Variants in TTC28 observed in about 807,000 individuals in gnomAD.
TTC28 encodes tetratricopeptide repeat protein 28.
Under a neutral mutation model 198.0 loss-of-function variants are expected in TTC28, and 61 were observed. The observed-to-expected ratio is 0.31, with a 90% confidence interval of 0.25 to 0.38. The LOEUF is 0.38. Among genes scored for constraint, TTC28 ranks in the 10% least tolerant of loss-of-function variants. The probability of loss-of-function intolerance (pLI) is 1.00; values close to 1 mark genes in which losing one functional copy is unlikely to be tolerated. For synonymous variants in TTC28, 1,171 were observed against 1,297.8 expected, an observed-to-expected ratio of 0.90 and a Z score of 2.10; for missense variants, 2,678 against 3,164.0, an observed-to-expected ratio of 0.85 and a Z score of 3.69.
intron 2 of TTC28, among the ~76,000 whole-genome samples, chr22:28,397,442 T>C (rs1037167007): frequency 6.6e-6 from 1 of 152,228 alleles, no homozygotes; most frequent in Non-Finnish European, 1.5e-5. Context: ...AATGAGACTG[T>C]ATTTAATGAA....
intron 2 of TTC28, among the ~76,000 whole-genome samples, chr22:28,404,112 T>C (rs536563435): frequency 1.3e-5 from 2 of 152,228 alleles, no homozygotes; most frequent in East Asian, 3.9e-4. Context: ...GAATATATGT[T>C]TTTTGTTTGT....
At chr22:28,016,330 G>A (rs982629669) in intron 13 of TTC28, among the ~76,000 whole-genome samples, 9 of 152,218 alleles carry the variant, frequency 5.9e-5, no homozygotes, top group African/African-American at 1.9e-4. Context: ...CTCCCCTCAA[G>A]GAGAGATTAC....
chr22:28,305,289 CCAGT>C (rs1328711096), intron 3 of TTC28, among the ~76,000 whole-genome samples: 1 of 152,132 alleles, frequency 6.6e-6, no homozygotes, highest in African/African-American at 2.4e-5. Context: ...ACACACCTGG[CCAGT>C]CAGAGTTTAT....
chr22:28,561,485 T>C (rs1445268500), intron 2 of TTC28, among the ~76,000 whole-genome samples: 1 of 152,188 alleles, frequency 6.6e-6, no homozygotes, highest in East Asian at 1.9e-4. Flanking sequence ...AGAAGGAAAA[T>C]TGCAGAAGGC....
intron 12 of TTC28, among the ~76,000 whole-genome samples, chr22:28,090,455 G>C (rs143963932): frequency 1.3e-4 from 20 of 152,128 alleles, no homozygotes; most frequent in African/African-American, 4.8e-4. Flanking sequence ...TAATTTGTTT[G>C]TAATTCAATT....
intron 2 of TTC28, among the ~76,000 whole-genome samples, chr22:28,422,747 A>AT (rs1489259467): frequency 1.3e-5 from 2 of 152,094 alleles, no homozygotes; most frequent in African/African-American, 4.8e-5. Flanking sequence ...ACCCAGCCAA[A>AT]TAAGTTAATT....
intron 5 of TTC28, among the ~76,000 whole-genome samples, chr22:28,205,997 A>T (rs576335237): frequency 6.6e-6 from 1 of 151,830 alleles, no homozygotes; most frequent in East Asian, 1.9e-4. Flanking sequence ...GGGTGTCAAA[A>T]AAAAAAAAAA....
At chr22:28,263,446 CA>C (rs961495013) in intron 5 of TTC28, among the ~76,000 whole-genome samples, 1 of 151,480 alleles carries the variant, frequency 6.6e-6, no homozygotes, top group African/African-American at 2.4e-5. Flanking sequence ...GAATAGCAGG[CA>C]AAAAAAATTC....
chr22:28,226,448 C>A (rs1928345845), intron 5 of TTC28, among the ~76,000 whole-genome samples: 1 of 152,104 alleles, frequency 6.6e-6, no homozygotes, highest in South Asian at 2.1e-4. Flanking sequence ...TTTTATGAGA[C>A]AGAGTCTCAC....
chr22:28,517,612 A>G (rs1161395467), intron 2 of TTC28, among the ~76,000 whole-genome samples: 1 of 152,246 alleles, frequency 6.6e-6, no homozygotes, highest in Non-Finnish European at 1.5e-5. Flanking sequence ...GCCAATGGCA[A>G]GGCTATTTTC....
intron 2 of TTC28, among the ~76,000 whole-genome samples, chr22:28,389,944 AT>A (rs1435055867): frequency 6.6e-6 from 1 of 151,426 alleles, no homozygotes; most frequent in African/African-American, 2.4e-5. Flanking sequence ...TAGGGTGTCA[AT>A]TTTAGATCTT....
intron 12 of TTC28, among the ~76,000 whole-genome samples, chr22:28,039,797 G>C (rs1488701672): frequency 6.6e-6 from 1 of 152,040 alleles, no homozygotes; most frequent in Non-Finnish European, 1.5e-5. Context: ...AATGAATCCA[G>C]GAGCCTTTTT....
At chr22:28,639,844 T>C (rs1381440545) in intron 1 of TTC28, among the ~76,000 whole-genome samples, 3 of 152,006 alleles carry the variant, frequency 2.0e-5, no homozygotes, top group African/African-American at 7.2e-5. Flanking sequence ...GCAAACAAAA[T>C]AGATGATAAG....
chr22:28,439,904 C>T (rs957453224), intron 2 of TTC28, among the ~76,000 whole-genome samples: 1 of 151,960 alleles, frequency 6.6e-6, no homozygotes, highest in Non-Finnish European at 1.5e-5. Flanking sequence ...GGCGTGATCT[C>T]GGCTCACCGC....
chr22:28,625,933 T>G (rs1018571062), intron 2 of TTC28, among the ~76,000 whole-genome samples: 11 of 152,160 alleles, frequency 7.2e-5, no homozygotes, highest in African/African-American at 2.7e-4. Context: ...GATAATTCAA[T>G]GTGGAAAGGA....
At chr22:28,081,194 T>C (rs1941344778) in intron 12 of TTC28, among the ~76,000 whole-genome samples, 1 of 151,840 alleles carries the variant, frequency 6.6e-6, no homozygotes, top group South Asian at 2.1e-4. Context: ...TGTACATATA[T>C]ATTTTTTGGA....
At chr22:28,185,826 A>G (rs1924145583) in intron 5 of TTC28, among the ~76,000 whole-genome samples, 1 of 152,156 alleles carries the variant, frequency 6.6e-6, no homozygotes, top group South Asian at 2.1e-4. Flanking sequence ...AGATGAGGAA[A>G]CAAATATTAA....
chr22:28,596,962 A>G (rs1177518287), intron 2 of TTC28, among the ~76,000 whole-genome samples: 2 of 152,196 alleles, frequency 1.3e-5, no homozygotes, highest in Non-Finnish European at 2.9e-5. Flanking sequence ...ATACAGCAAC[A>G]GCCTAGAAAT....
At chr22:28,437,235 A>G (rs2047534082) in intron 2 of TTC28, among the ~76,000 whole-genome samples, 1 of 152,082 alleles carries the variant, frequency 6.6e-6, no homozygotes, top group East Asian at 1.9e-4. Flanking sequence ...AGCATGCACC[A>G]CTATTCCTGG....
Sources: allele counts gnomAD v4.1 joint callset (sites outside exome capture counted in the v4.1 genomes callset), GRCh38; gene constraint gnomAD v4.1.1; transcripts MANE v1.5; gene names NCBI Gene and HGNC (gene_info 2026-07-23, HGNC 2026-07-21).